The following TRPM4 variants were observed in gnomAD, a reference collection of about 807,000 sequenced individuals.
The protein encoded by TRPM4 is transient receptor potential cation channel subfamily M member 4.
Under a neutral mutation model 135.6 loss-of-function variants are expected in TRPM4, and 124 were observed. The ratio of observed to expected loss-of-function variants is 0.91; its 90% CI spans 0.79 to 1.06. The LOEUF (loss-of-function observed/expected upper bound fraction) is 1.06, where lower values mean the gene tolerates loss of function less well. TRPM4 is among the 50% of genes least tolerant of loss of function. The pLI, the probability that TRPM4 is intolerant of heterozygous loss-of-function variation, is 0.00. For missense variants in TRPM4, 1,658 were observed against 1,671.4 expected (o/e 0.99, Z 0.14); for synonymous variants, 745 against 705.6 (o/e 1.06, Z -0.88).
At chr19:49,158,141 C>G (rs1218328719) in intron 1 of TRPM4, 51 bp from the exon 2 acceptor site, 3 of 1,547,582 alleles carry the variant, frequency 1.9e-6, no homozygotes, top group Non-Finnish European at 2.7e-6. Flanking sequence ...TAGGACAGAA[C>G]TGGGTGCCCT....
At chr19:49,190,595 C>T (rs1248990996) in intron 15 of TRPM4, 101 bp from the exon 16 acceptor site, 6 of 1,252,764 alleles carry the variant, frequency 4.8e-6, no homozygotes. Context: ...CTCTCTGTCC[C>T]TCTGCCATGT....
Position 49,167,685 on chromosome 19 carries a change from T to C in TRPM4, c.268-232T>C, listed in dbSNP as rs866014736. 1.0e-4 allele frequency: 22 copies of C among 213,694 alleles called. 2 individuals carry two copies. Among genetic ancestry groups the C allele is most frequent in the Middle Eastern group, 1.7e-3 (1 of 596 alleles). 13.2% of individuals were successfully genotyped at this position (213,694 alleles called of 1,614,324 possible). ...TCCCATGTCTCTGGGTCTCTGTCCC[T>C]CTCTCTCTGGGTCTCTGTCCCCATC... On this transcript the variant is annotated intron_variant, in intron 3 of 24. Coordinates refer to ENST00000252826, the MANE Select transcript of TRPM4 (RefSeq NM_017636.4).
chr19:49,210,842 A>G lies in TRPM4; in HGVS notation c.3461A>G (p.Lys1154Arg), dbSNP rs141327522. 7.3e-5 allele frequency: 117 copies of G among 1,609,042 alleles called. No individual in the cohort carries two copies. The highest frequency in any genetic ancestry group is 7.1e-5 in the Non-Finnish European group (84 of 1,178,246). The stretch of plus-strand genomic sequence containing the variant: ...GAGCGTCTGAAGCGCACGTCCCAGA[A>G]GTGAGAGCGGGGCCTGGTCGGGGAT... ...DSERLKRTSQ[K>R]VDLALKQLGH... The change falls in exon 22 of 25, where the codon AAG becomes AGG. Residue 1154 changes from lysine to arginine, a missense_variant and splice_region_variant. This residue lies in a region of TRPM4 where 1,412 missense variants were observed against 1,408.7 expected (regional missense o/e 1.00). Coordinates refer to ENST00000252826, the MANE Select transcript of TRPM4 (RefSeq NM_017636.4). The surrounding 1 kb of genome is among the most constrained non-coding windows in gnomAD (Gnocchi z 4.1).
At chr19:49,175,926 C>CTTAAT (rs1967673603) in intron 9 of TRPM4, among the ~76,000 whole-genome samples, 3 of 131,734 alleles carry the variant, frequency 2.3e-5, no homozygotes, top group African/African-American at 8.4e-5. Context: ...GGCGCCCGGC[C>CTTAAT]TCTTTTTTTT....
At chr19:49,184,099 G>A (rs542742109) in intron 12 of TRPM4, among the ~76,000 whole-genome samples, 1 of 152,146 alleles carries the variant, frequency 6.6e-6, no homozygotes, top group Non-Finnish European at 1.5e-5. Flanking sequence ...GAGCTTCCTG[G>A]ATGTGTAGAC....
chr19:49,210,986 GCCC>G lies in TRPM4; in HGVS notation c.3462-26_3462-24del, dbSNP rs747772143. 4 of 1,611,518 alleles carry G rather than the reference GCCC, an allele frequency of 2.5e-6. No homozygotes were observed. The highest frequency in any genetic ancestry group is 1.7e-5 in the Admixed American group (1 of 59,836). On this transcript the variant is annotated intron_variant, in intron 22 of 24. Transcript: ENST00000252826. The surrounding 1 kb of genome is among the most constrained non-coding windows in gnomAD (Gnocchi z 4.1). Reference sequence around the variant, plus strand: ...CCCTGGGGGTGGGTGGGCTGCGGGTGCCCCCGGTAAGAGGCCCTCCCTTCTCAG... The same window carrying G: ...CCCTGGGGGTGGGTGGGCTGCGGGTGCCGGTAAGAGGCCCTCCCTTCTCAG...
chr19:49,208,565 G>A (rs967510469), intron 20 of TRPM4, among the ~76,000 whole-genome samples: 1 of 151,842 alleles, frequency 6.6e-6, no homozygotes, highest in Non-Finnish European at 1.5e-5. Context: ...GTATGGCTTG[G>A]TTTTTCCTAG....
intron 3 of TRPM4, 52 bp downstream of exon 3, chr19:49,166,267 G>T (rs775287212): frequency 8.5e-6 from 13 of 1,531,460 alleles, no homozygotes; most frequent in East Asian, 2.4e-5. Context: ...CTGCATGCTC[G>T]GGGCTCCAGA....
intron 20 of TRPM4, among the ~76,000 whole-genome samples, chr19:49,205,016 C>G (rs754762388): frequency 6.6e-4 from 70 of 105,456 alleles, no homozygotes; most frequent in Non-Finnish European, 1.2e-3. Flanking sequence ...GAGATGGGGT[C>G]TTACTATATT....
At chr19:49,193,381 G>A (rs763728180) in intron 16 of TRPM4, among the ~76,000 whole-genome samples, 25 of 152,176 alleles carry the variant, frequency 1.6e-4, no homozygotes, top group Non-Finnish European at 1.6e-4. Context: ...GCACCCGTCC[G>A]GAAATCAGTT....
rs957893878 is a variant in TRPM4, at chr19:49,171,885, A to G, written c.1050+116A>G. On this transcript the variant is annotated intron_variant, in intron 8 of 24. Transcript: ENST00000252826. This position sits in a 1 kb window ranked among gnomAD's most constrained non-coding sequence, Gnocchi z 4.7. ...CTGGACTTCCAGGTTCCGGGAGAAGAGGGTGCTGGGCATATAGACTATTAG... is the reference window on the plus strand; with the variant it reads ...CTGGACTTCCAGGTTCCGGGAGAAGGGGGTGCTGGGCATATAGACTATTAG... 2.9e-6 allele frequency: 4 copies of G among 1,393,400 alleles called. No individual in the cohort carries two copies. The highest frequency in any genetic ancestry group is 2.3e-4 in the Middle Eastern group (1 of 4,298). The allele number at this position is 1,393,400 out of a possible 1,614,324, so 86.3% of individuals were successfully genotyped here.
intron 12 of TRPM4, 122 bp from the exon 13 acceptor site, chr19:49,188,519 C>G: frequency 7.3e-7 from 1 of 1,375,308 alleles, no homozygotes; most frequent in Non-Finnish European, 1.0e-6. Context: ...ATTACTTCAT[C>G]CTTGGCCTCT....
In TRPM4 at chr19:49,211,727, C is replaced by T. The variant is rs534560105; in HGVS notation, c.*229C>T. On this transcript the variant is annotated 3_prime_UTR_variant, in exon 25 of 25. Coordinates refer to ENST00000252826, the MANE Select transcript of TRPM4 (RefSeq NM_017636.4). The surrounding 1 kb of genome is among the most constrained non-coding windows in gnomAD (Gnocchi z 4.8). ...CCTGGGAGGATCAAGGCCTGGATCC[C>T]GGGCCGTTATCCATCTGGAGGCTGC... is the stretch of plus-strand genomic sequence containing the variant. The T allele has an allele frequency of 1.3e-5, 8 of 624,156 alleles. No individual in the cohort carries two copies. The highest frequency in any genetic ancestry group is 4.3e-4 in the Middle Eastern group (1 of 2,338). The allele number at this position is 624,156 out of a possible 1,614,324, so 38.7% of individuals were successfully genotyped here.
At position 49,195,869 on chromosome 19, in the gene TRPM4, TTTA is replaced by T. The variant is rs746763684; in HGVS notation, c.2211-550_2211-548del. Among the ~76,000 whole-genome samples the T allele has an allele frequency of 1.8e-4, 27 of 148,814 alleles. No individual in the cohort carries two copies. The South Asian group carries it at 4.2e-3, about 23-fold the overall frequency. ...TGGCTAAATTTTTATTTTTATTTAT[TTTA>T]TTATTATTATTATTATTATTTTTGA... On this transcript the variant is annotated intron_variant, in intron 16 of 24. Coordinates refer to ENST00000252826, the MANE Select transcript of TRPM4 (RefSeq NM_017636.4).
chr19:49,191,330 A>C (rs930226156), intron 16 of TRPM4, among the ~76,000 whole-genome samples: 1 of 150,726 alleles, frequency 6.6e-6, no homozygotes, highest in Non-Finnish European at 1.5e-5. Flanking sequence ...CAGCCTCCCA[A>C]GTAGGTGGGA....
chr19:49,187,296 G>A (rs1968234055), intron 12 of TRPM4, among the ~76,000 whole-genome samples: 1 of 151,470 alleles, frequency 6.6e-6, no homozygotes, highest in East Asian at 1.9e-4. Context: ...GAGGGATAAA[G>A]TTTTGAAGTT....
At chr19:49,165,302 C>A (rs1176789538) in intron 2 of TRPM4, among the ~76,000 whole-genome samples, 7 of 152,028 alleles carry the variant, frequency 4.6e-5, no homozygotes, top group African/African-American at 1.7e-4. Context: ...TTTTTGAGCC[C>A]GAGGCCTGCT....
rs546886672 is a variant in TRPM4, at chr19:49,171,887, G to A, written c.1050+118G>A. On this transcript the variant is annotated intron_variant, in intron 8 of 24. Coordinates refer to ENST00000252826, the MANE Select transcript of TRPM4 (RefSeq NM_017636.4). The surrounding 1 kb of genome is among the most constrained non-coding windows in gnomAD (Gnocchi z 4.7). ...GGACTTCCAGGTTCCGGGAGAAGAGGGTGCTGGGCATATAGACTATTAGGT... is the reference window on the plus strand; with the variant it reads ...GGACTTCCAGGTTCCGGGAGAAGAGAGTGCTGGGCATATAGACTATTAGGT... 1.7e-4 allele frequency: 239 copies of A among 1,388,006 alleles called. 2 individuals carry two copies. Among genetic ancestry groups the A allele is most frequent in the Non-Finnish European group, 1.7e-4 (167 of 985,096 alleles). The allele number at this position is 1,388,006 out of a possible 1,614,324, so 86.0% of individuals were successfully genotyped here.
In TRPM4 at chr19:49,182,885, C is replaced by G; in HGVS notation, c.1571C>G (p.Ala524Gly). 1 of 1,601,938 alleles carries G rather than the reference C, an allele frequency of 6.2e-7. No homozygotes were observed. The highest frequency in any genetic ancestry group is 8.5e-7 in the Non-Finnish European group (1 of 1,173,870). The change falls in exon 11 of 25, where the codon GCC becomes GGC. Residue 524 changes from alanine (A) to glycine (G), a missense_variant. By Grantham distance (60) the Ala-to-Gly change is moderately conservative. This residue lies in a region of TRPM4 where 1,412 missense variants were observed against 1,408.7 expected (regional missense o/e 1.00). Coordinates refer to ENST00000252826, the MANE Select transcript of TRPM4 (RefSeq NM_017636.4). ...GCGCCGAGGTACCCCTCCGGGGGCG[C>G]CTGGGACCCTCACCCAGGCCAGGGC... Reference protein sequence around the residue: ...MCAPRYPSGGAWDPHPGQGFG... With the variant: ...MCAPRYPSGGGWDPHPGQGFG...
Sources: allele counts gnomAD v4.1 joint callset (sites outside exome capture counted in the v4.1 genomes callset), GRCh38; gene constraint gnomAD v4.1.1; regional missense constraint gnomAD v4.1.1; non-coding constraint Gnocchi (gnomAD v3.1); transcripts MANE v1.5; gene names NCBI Gene and HGNC (gene_info 2026-07-23, HGNC 2026-07-21).